CTNNA2: variants seen among roughly 807,000 people sequenced by gnomAD.
The protein encoded by CTNNA2 is catenin alpha 2.
A neutral mutation model predicts 101.0 loss-of-function variants in CTNNA2; 42 were observed. That is an observed-to-expected ratio of 0.42 (90% CI 0.32 to 0.54). CTNNA2 has a LOEUF of 0.54. Among genes scored for constraint, CTNNA2 ranks in the 20% least tolerant of loss-of-function variants. CTNNA2 has a pLI of 0.14. For synonymous variants in CTNNA2, 450 were observed against 456.4 expected, an observed-to-expected ratio of 0.99 and a Z score of 0.18; for missense variants, 871 against 1,223.1, an observed-to-expected ratio of 0.71 and a Z score of 4.29.
intron 8 of CTNNA2, among the ~76,000 whole-genome samples, chr2:80,408,433 T>C (rs1380687107): frequency 1.3e-5 from 2 of 152,192 alleles, no homozygotes; most frequent in African/African-American, 4.8e-5. Flanking sequence ...TGCCATCAAA[T>C]CCATCCATTC....
chr2:79,779,031 T>G (rs1430230978), intron 3 of CTNNA2, among the ~76,000 whole-genome samples: 1 of 152,228 alleles, frequency 6.6e-6, no homozygotes, highest in Non-Finnish European at 1.5e-5. Flanking sequence ...AAATATTTAT[T>G]TATTCCAGCC....
At chr2:80,557,548 G>C (rs967560087) in intron 12 of CTNNA2, among the ~76,000 whole-genome samples, 40 of 152,114 alleles carry the variant, frequency 2.6e-4, no homozygotes, top group African/African-American at 9.2e-4. Flanking sequence ...AAGTGTTGAA[G>C]ACCTAGAGAC....
At chr2:80,098,361 C>T (rs1700304300) in intron 7 of CTNNA2, among the ~76,000 whole-genome samples, 2 of 152,200 alleles carry the variant, frequency 1.3e-5, no homozygotes, top group East Asian at 3.9e-4. Flanking sequence ...GATCGTTCCT[C>T]TGGAAGTTTT....
At chr2:79,692,383 A>T (rs1432644090) in intron 2 of CTNNA2, among the ~76,000 whole-genome samples, 1 of 152,166 alleles carries the variant, frequency 6.6e-6, no homozygotes, top group African/African-American at 2.4e-5. Context: ...GATGCTGGAG[A>T]GGATGTGGAG....
chr2:80,480,196 A>G (rs887181643), intron 9 of CTNNA2, among the ~76,000 whole-genome samples: 1 of 152,102 alleles, frequency 6.6e-6, no homozygotes, highest in Non-Finnish European at 1.5e-5. Flanking sequence ...AAGTTGACAA[A>G]ATGAAAAATT....
At chr2:79,552,821 A>G (rs1427920925) in intron 1 of CTNNA2, among the ~76,000 whole-genome samples, 2 of 152,210 alleles carry the variant, frequency 1.3e-5, no homozygotes, top group Non-Finnish European at 2.9e-5. Flanking sequence ...GAGGCTGCGT[A>G]GAGCAGTGGG....
Position 79,681,758 on chromosome 2 carries a change from G to C in CTNNA2, c.102+30100G>C, listed in dbSNP as rs181679025. On this transcript the variant is annotated intron_variant, in intron 2 of 18. Coordinates refer to ENST00000402739, the MANE Select transcript of CTNNA2 (RefSeq NM_001282597.3). Reference sequence around the variant, plus strand: ...ATAGATATGGTTTGCATGCAAATGAGCAGACTTATTATGTACAAGTAACAT... The same window carrying C: ...ATAGATATGGTTTGCATGCAAATGACCAGACTTATTATGTACAAGTAACAT... Among the ~76,000 whole-genome samples the C allele has an allele frequency of 2.1e-3, 318 of 152,218 alleles. 2 individuals are homozygous for C. Among genetic ancestry groups the C allele is most frequent in the Non-Finnish European group, 3.0e-3 (203 of 68,022 alleles).
chr2:80,538,434 T>C (rs1235068722), intron 9 of CTNNA2, among the ~76,000 whole-genome samples: 2 of 152,242 alleles, frequency 1.3e-5, no homozygotes, highest in South Asian at 4.1e-4. Context: ...GTTTCTGTTT[T>C]CTGCATATGA....
At chr2:80,022,254 T>A (rs1694619050) in intron 7 of CTNNA2, among the ~76,000 whole-genome samples, 1 of 152,170 alleles carries the variant, frequency 6.6e-6, no homozygotes, top group South Asian at 2.1e-4. Context: ...ATGGCTGACA[T>A]GGAGGTGGGC....
intron 7 of CTNNA2, among the ~76,000 whole-genome samples, chr2:80,362,442 A>G (rs909084476): frequency 3.3e-5 from 5 of 152,220 alleles, no homozygotes; most frequent in African/African-American, 1.2e-4. Context: ...TTAGGAAGCC[A>G]CTCAATCTTC....
chr2:79,882,523 G>A (rs1218020612), intron 6 of CTNNA2, among the ~76,000 whole-genome samples: 2 of 152,210 alleles, frequency 1.3e-5, no homozygotes, highest in East Asian at 3.9e-4. Context: ...TGGGCTATGG[G>A]GAACAAGTCT....
At chr2:79,321,636 G>T (rs986865433) in intron 3 of CTNNA2, among the ~76,000 whole-genome samples, 2 of 152,168 alleles carry the variant, frequency 1.3e-5, no homozygotes, top group Non-Finnish European at 2.9e-5. Context: ...TGTGAAATAA[G>T]CAGAGCAGAT....
intron 9 of CTNNA2, among the ~76,000 whole-genome samples, chr2:80,485,419 G>A (rs1573007568): frequency 6.6e-6 from 1 of 152,118 alleles, no homozygotes; most frequent in South Asian, 2.1e-4. Context: ...AACAATTTGG[G>A]ATTTTATTTA....
At chr2:80,127,683 G>C (rs1284915538) in intron 7 of CTNNA2, among the ~76,000 whole-genome samples, 3 of 152,174 alleles carry the variant, frequency 2.0e-5, no homozygotes, top group Non-Finnish European at 2.9e-5. Context: ...CAGTTAGGAT[G>C]GTTGTCTTGC....
intron 6 of CTNNA2, among the ~76,000 whole-genome samples, chr2:79,904,578 C>T (rs186451612): frequency 8.5e-5 from 13 of 152,292 alleles, no homozygotes; most frequent in Non-Finnish European, 1.6e-4. Context: ...AAGACCTGTG[C>T]TCAAATCCTG....
rs1165509649 is a variant in CTNNA2, at chr2:79,744,670, A to G, written c.298+88A>G. The G allele has an allele frequency of 3.9e-6, 5 of 1,270,786 alleles. No individual in the cohort carries two copies. In the East Asian group the frequency reaches 1.3e-4, roughly 32 times the overall value. The allele number at this position is 1,270,786 out of a possible 1,614,324, so 78.7% of individuals were successfully genotyped here. Reference sequence around the variant, plus strand: ...CTTTAGAATCAATGGATATTTACTCAAAGAAGAAGTCTTACGTTTTTTTCC... The same window carrying G: ...CTTTAGAATCAATGGATATTTACTCGAAGAAGAAGTCTTACGTTTTTTTCC... On this transcript the variant is annotated intron_variant, in intron 3 of 18. Transcript: ENST00000402739.
chr2:80,621,095 C>A (rs1421757433), intron 18 of CTNNA2, among the ~76,000 whole-genome samples: 2 of 151,844 alleles, frequency 1.3e-5, no homozygotes, highest in African/African-American at 4.8e-5. Context: ...TGAACACTTG[C>A]TATGCTAGTT....
At chr2:80,383,923 A>T (rs1382943778) in intron 7 of CTNNA2, among the ~76,000 whole-genome samples, 1 of 152,180 alleles carries the variant, frequency 6.6e-6, no homozygotes, top group African/African-American at 2.4e-5. Context: ...AACCTAAATG[A>T]CCATCAACGG....
intron 1 of CTNNA2, among the ~76,000 whole-genome samples, chr2:79,577,526 A>G (rs2103872682): frequency 6.6e-6 from 1 of 152,234 alleles, no homozygotes; most frequent in Non-Finnish European, 1.5e-5. Flanking sequence ...GGCTTCAAAA[A>G]TTGCACAAAA....
Sources: allele counts gnomAD v4.1 joint callset (sites outside exome capture counted in the v4.1 genomes callset), GRCh38; gene constraint gnomAD v4.1.1; transcripts MANE v1.5; gene names NCBI Gene and HGNC (gene_info 2026-07-23, HGNC 2026-07-21).